The following GFM1 variants were observed in gnomAD, a reference collection of about 807,000 sequenced individuals.
The protein encoded by GFM1 is G elongation factor mitochondrial 1.
Under a neutral mutation model 96.2 loss-of-function variants are expected in GFM1, and 62 were observed. The observed-to-expected ratio is 0.64, with a 90% CI of 0.53 to 0.80. The LOEUF (loss-of-function observed/expected upper bound fraction) is 0.80, where lower values mean the gene tolerates loss of function less well. Ranked by LOEUF, GFM1 falls within the 30% of genes least tolerant of loss-of-function variation. The probability of loss-of-function intolerance (pLI) is 0.00; values close to 1 mark genes in which losing one functional copy is unlikely to be tolerated. For missense variants in GFM1, 852 were observed against 916.6 expected (o/e 0.93, Z 0.91); for synonymous variants, 282 against 312.9 (o/e 0.90, Z 1.04).
intron 13 of GFM1, among the ~76,000 whole-genome samples, 161 bp from the exon 14 acceptor site, chr3:158,681,834 G>T (rs1560143527): frequency 6.6e-6 from 1 of 151,964 alleles, no homozygotes; most frequent in Non-Finnish European, 1.5e-5. Flanking sequence ...GAAAACAGAG[G>T]GTTCTTTTTA....
At chr3:158,666,753 G>T in intron 13 of GFM1, 1 of 1,605,824 alleles carries the variant, frequency 6.2e-7, no homozygotes. Context: ...TCCTGCAAGT[G>T]AAGAAAATTA....
chr3:158,690,741 C>T (rs1212646939), intron 16 of GFM1, among the ~76,000 whole-genome samples: 1 of 152,152 alleles, frequency 6.6e-6, no homozygotes, highest in East Asian at 1.9e-4. Flanking sequence ...GTGTTTATTA[C>T]ATTTCATAAG....
intron 14 of GFM1, among the ~76,000 whole-genome samples, chr3:158,684,117 C>G (rs9862964): frequency 0.053 from 7,988 of 152,042 alleles, 663 homozygotes; most frequent in African/African-American, 0.18. Context: ...AACCAAATAC[C>G]ACATGTTCTC....
chr3:158,678,923 A>T (rs1411084490), intron 13 of GFM1, among the ~76,000 whole-genome samples: 7 of 152,218 alleles, frequency 4.6e-5, no homozygotes, highest in Non-Finnish European at 1.0e-4. Context: ...AATTCCAGCT[A>T]CTTGGGAGTC....
intron 13 of GFM1, among the ~76,000 whole-genome samples, chr3:158,670,296 A>G (rs1346358775): frequency 6.6e-6 from 1 of 152,234 alleles, no homozygotes; most frequent in Admixed American, 6.5e-5. Flanking sequence ...ATCAGCTGGC[A>G]TTCTATTGCT....
At chr3:158,645,939 T>C in intron 2 of GFM1, 158 bp downstream of exon 2, 1 of 845,160 alleles carries the variant, frequency 1.2e-6, no homozygotes, top group Non-Finnish European at 1.9e-6. Flanking sequence ...GTTAAGTATC[T>C]GTGTTCTGGT....
Position 158,645,560 on chromosome 3 carries a change from C to G in GFM1, c.82-69C>G, listed in dbSNP as rs1721704026. On this transcript the variant is annotated intron_variant, in intron 1 of 17. Transcript: ENST00000486715. Reference sequence around the variant, plus strand: ...TCTTGGAGGAATAATGTCCACCATACTCCTTTTAATTGTCTGTTGTTCTCT... The same window carrying G: ...TCTTGGAGGAATAATGTCCACCATAGTCCTTTTAATTGTCTGTTGTTCTCT... 3 of 1,279,128 alleles carry G rather than the reference C, an allele frequency of 2.3e-6. No individual in the cohort carries two copies. The African/African-American group carries it at 4.4e-5, about 19-fold the overall frequency. 79.2% of individuals were successfully genotyped at this position (1,279,128 alleles called of 1,614,324 possible).
At chr3:158,689,156 C>G (rs1284816622) in intron 15 of GFM1, among the ~76,000 whole-genome samples, 1 of 152,180 alleles carries the variant, frequency 6.6e-6, no homozygotes, top group Admixed American at 6.6e-5. Flanking sequence ...ATTATATTCT[C>G]TCCATATTGT....
In GFM1 at chr3:158,653,395, T is replaced by C. The variant is rs1482349866; in HGVS notation, c.926T>C (p.Leu309Pro). 6.2e-7 allele frequency: 1 copy of C among 1,612,924 alleles called. No homozygotes were observed. The highest frequency in any genetic ancestry group is 1.1e-5 in the South Asian group (1 of 91,056). ...SALKNKGVQP[L>P]LDAVLEYLPN... ...TTGAAGAACAAAGGAGTTCAGCCTC[T>C]TTTAGATGCTGTTTTAGAATACCTC... The change falls in exon 7 of 18, where the codon CTT (leucine) becomes CCT (proline). Residue 309 changes from leucine to proline, a missense_variant. Physicochemically the swap from Leu to Pro is moderately conservative, Grantham distance 98. Transcript: ENST00000486715.
intron 13 of GFM1, chr3:158,670,826 G>A: frequency 8.1e-7 from 1 of 1,241,428 alleles, no homozygotes; most frequent in African/African-American, 1.6e-5. Context: ...CCAGCTATTT[G>A]GGGAGGCTGA....
intron 13 of GFM1, among the ~76,000 whole-genome samples, chr3:158,680,765 G>C (rs1576784771): frequency 6.6e-6 from 1 of 152,122 alleles, no homozygotes; most frequent in African/African-American, 2.4e-5. Context: ...CATAAGCCTG[G>C]CACATAAGTA....
rs770109307 is a variant in GFM1 at position 158,682,008 on chromosome 3, C to A, written c.1615C>A (p.His539Asn). The A allele has an allele frequency of 8.4e-5, 136 of 1,612,012 alleles. No homozygotes were observed. Among genetic ancestry groups the A allele is most frequent in the Non-Finnish European group, 1.2e-4 (136 of 1,179,264 alleles). Residue 539 changes from histidine to asparagine, a missense_variant, in exon 14 of 18, where the codon CAT becomes AAT. Coordinates refer to ENST00000486715, the MANE Select transcript of GFM1 (RefSeq NM_024996.7). The stretch of plus-strand genomic sequence containing the variant: ...AATCACTTTCAGGTTTGACTTTACA[C>A]ATAAAAAACAATCAGGTGGTGCAGG... ...ITAPVPFDFT[H>N]KKQSGGAGQY...
chr3:158,662,731 C>T, intron 11 of GFM1, 47 bp downstream of exon 11: 1 of 1,141,160 alleles, frequency 8.8e-7, no homozygotes, highest in South Asian at 1.2e-5. Context: ...AAAACTTGAG[C>T]TCTTTTTCAT....
In GFM1 at chr3:158,694,023, T is replaced by A. The variant is rs1253353784; in HGVS notation, c.*2556T>A. On this transcript the variant is annotated 3_prime_UTR_variant, in exon 18 of 18. Transcript: ENST00000486715. The stretch of plus-strand genomic sequence containing the variant: ...TTTTTTTGTTTAACAACTGTTTTTT[T>A]TTTTAAGAGATGGGGTCTTCTAAGA... Among the ~76,000 whole-genome samples, 1 of 152,108 alleles carries A rather than the reference T, an allele frequency of 6.6e-6. No individual in the cohort carries two copies. The highest frequency in any genetic ancestry group is 1.5e-5 in the Non-Finnish European group (1 of 67,998).
At chr3:158,647,068 T>C (rs1225976559) in intron 4 of GFM1, 121 bp downstream of exon 4, 3 of 794,762 alleles carry the variant, frequency 3.8e-6, no homozygotes, top group Non-Finnish European at 6.2e-6. Flanking sequence ...TTTAAATATA[T>C]TTATGTGAGT....
At position 158,654,565 on chromosome 3, in the gene GFM1, C is replaced by G; in HGVS notation, c.1017C>G (p.Thr339=). Residue 339 remains threonine, a synonymous_variant, in exon 8 of 18, where the codon ACC becomes ACG. Coordinates refer to ENST00000486715, the MANE Select transcript of GFM1 (RefSeq NM_024996.7). ...TTTTAAGTGACTCAAAAGAGAAAAC[C>G]AAAATCCTAATGAACTCCAGTAGAG... ...LNKEDDSKEK[T]KILMNSSRDN... is the part of the protein sequence containing the mutation. 1 of 1,610,458 alleles carries G rather than the reference C, an allele frequency of 6.2e-7. No individual in the cohort carries two copies. The highest frequency in any genetic ancestry group is 8.5e-7 in the Non-Finnish European group (1 of 1,177,000).
chr3:158,657,603 AT>A (rs1449378325), intron 8 of GFM1: 1 of 152,026 alleles, frequency 6.6e-6, no homozygotes, highest in African/African-American at 2.4e-5. Context: ...GCAACCTTTT[AT>A]TTGTATATAT....
intron 13 of GFM1, chr3:158,672,449 G>A (rs776783576): frequency 9.3e-6 from 15 of 1,613,990 alleles, no homozygotes; most frequent in Non-Finnish European, 2.5e-6. Flanking sequence ...CCGCCCTGGA[G>A]GCTGGGTAGT....
intron 5 of GFM1, chr3:158,650,170 T>G: frequency 1.1e-6 from 1 of 908,200 alleles, no homozygotes; most frequent in South Asian, 1.4e-5. Context: ...TTTCTCTCAC[T>G]TTTTATGTAA....
Sources: allele counts gnomAD v4.1 joint callset (sites outside exome capture counted in the v4.1 genomes callset), GRCh38; gene constraint gnomAD v4.1.1; transcripts MANE v1.5; gene names NCBI Gene and HGNC (gene_info 2026-07-23, HGNC 2026-07-21).